Variants in COL4A4 observed in about 807,000 individuals in gnomAD.
The protein encoded by COL4A4 is collagen type IV alpha 4 chain, also known as collagen alpha-4(IV) chain.
A neutral mutation model predicts 192.9 loss-of-function variants in COL4A4; 105 were observed. The ratio of observed to expected loss-of-function variants is 0.54; its 90% CI spans 0.46 to 0.64. COL4A4 has a LOEUF of 0.64. Ranked by LOEUF, COL4A4 falls within the 30% of genes least tolerant of loss-of-function variation. COL4A4 has a pLI of 0.00. For missense variants in COL4A4, 1,967 were observed against 2,169.3 expected (o/e 0.91, Z 1.85); for synonymous variants, 762 against 769.9 (o/e 0.99, Z 0.17).
At chr2:227,075,526 A>G (rs1391555005) in intron 25 of COL4A4, among the ~76,000 whole-genome samples, 1 of 152,190 alleles carries the variant, frequency 6.6e-6, no homozygotes, top group Non-Finnish European at 1.5e-5. Flanking sequence ...ACCCATAGGC[A>G]ATATCATACT....
At chr2:227,121,875 A>G (rs534309195) in intron 4 of COL4A4, among the ~76,000 whole-genome samples, 1 of 152,360 alleles carries the variant, frequency 6.6e-6, no homozygotes, top group African/African-American at 2.4e-5. Context: ...AAGAAACTAA[A>G]AAATCAAAGT....
intron 29 of COL4A4, among the ~76,000 whole-genome samples, chr2:227,056,523 G>A (rs116093499): frequency 0.031 from 4,711 of 152,198 alleles, 83 homozygotes; most frequent in Middle Eastern, 0.11. Flanking sequence ...TGGCTGTAGC[G>A]GAAAGTTTTG....
chr2:227,042,610 G>A (rs190333938), intron 36 of COL4A4, among the ~76,000 whole-genome samples: 38 of 152,208 alleles, frequency 2.5e-4, no homozygotes, highest in African/African-American at 8.9e-4. Context: ...CAGGAGAAAT[G>A]CAAAGGGCTA....
At chr2:227,111,656 A>G (rs1272177642) in intron 9 of COL4A4, 22 bp downstream of exon 9, 1 of 1,613,382 alleles carries the variant, frequency 6.2e-7, no homozygotes, top group Non-Finnish European at 8.5e-7. Flanking sequence ...ATAGAAGCAT[A>G]GAGCCTGCTC....
intron 34 of COL4A4, among the ~76,000 whole-genome samples, chr2:227,048,771 AAGAGACTAATAAATGTATAGGTAAGC>A (rs1403011415): frequency 6.6e-6 from 1 of 152,336 alleles, no homozygotes; most frequent in Admixed American, 6.5e-5. Context: ...AAGAATGGTA[AAGAGACTAATAAATGTATAGGTAAGC>A]AGAAAAGGAG....
rs1559489363 is a variant in COL4A4 at position 227,045,937 on chromosome 2, ATATATG to A, written c.3289+1532_3289+1537del. 4.0e-3 allele frequency among the ~76,000 whole-genome samples: 377 copies of A among 93,974 alleles called. 2 individuals carry two copies. The highest frequency in any genetic ancestry group is 6.8e-3 in the South Asian group (18 of 2,646). 61.7% of individuals were successfully genotyped at this position (93,974 alleles called of 152,430 possible). On this transcript the variant is annotated intron_variant, in intron 35 of 47. Coordinates refer to ENST00000396625, the MANE Select transcript of COL4A4 (RefSeq NM_000092.5). ...TATGTATATGTATATGTATATATGTATATATGTATATATGTATATATGTATATATTT... is the reference window on the plus strand; with the variant it reads ...TATGTATATGTATATGTATATATGTATATATATGTATATATGTATATATTT...
intron 20 of COL4A4, among the ~76,000 whole-genome samples, chr2:227,091,275 TATAG>T (rs1314670278): frequency 6.6e-6 from 1 of 151,454 alleles, no homozygotes; most frequent in Admixed American, 6.6e-5. Flanking sequence ...TAGATATAGA[TATAG>T]ATATAGATAT....
the COL4A4 span, among the ~76,000 whole-genome samples, chr2:226,975,176 A>G: frequency 6.6e-6 from 1 of 152,214 alleles, no homozygotes; most frequent in Non-Finnish European, 1.5e-5. Flanking sequence ...CCCCAGAATG[A>G]TAAATGAGAA....
chr2:226,988,640 T>C, the COL4A4 span: 2 of 1,326,148 alleles, frequency 1.5e-6, no homozygotes, highest in Non-Finnish European at 1.9e-6. Context: ...GCCCTGGAGC[T>C]TCTGAGAGGA....
chr2:227,130,125 C>T lies in COL4A4; in HGVS notation c.193-8977G>A, dbSNP rs182981913. Among the ~76,000 whole-genome samples the T allele has an allele frequency of 1.9e-3, 294 of 152,308 alleles. 3 individuals are homozygous for T. Among genetic ancestry groups the T allele is most frequent in the African/African-American group, 6.1e-3 (253 of 41,566 alleles). On this transcript the variant is annotated intron_variant, in intron 4 of 47. Transcript: ENST00000396625. ...AAAGGTGTTATCAACAGTAGACAATCCAGAGACTGGACTTCAGTGGCAGAG... is the reference window on the plus strand; with the variant it reads ...AAAGGTGTTATCAACAGTAGACAATTCAGAGACTGGACTTCAGTGGCAGAG...
rs559719653 is a variant in COL4A4 at position 227,022,134 on chromosome 2, C to T, written c.4130G>A (p.Arg1377Gln). ...GPPADVDDCP[R>Q]IPGLPGAPGM... Reference sequence around the variant, plus strand: ...TGGCGCCCCAGGAAGGCCTGGGATTCGGGGACAGTCATCCACATCTGCAGG... The same window carrying T: ...TGGCGCCCCAGGAAGGCCTGGGATTTGGGGACAGTCATCCACATCTGCAGG... Residue 1377 changes from arginine to glutamine, a missense_variant, in exon 44 of 48, where the codon CGA (arginine) becomes CAA (glutamine). Transcript: ENST00000396625. 34 of 1,614,132 alleles carry T rather than the reference C, an allele frequency of 2.1e-5. No homozygotes were observed. The highest frequency in any genetic ancestry group is 1.6e-4 in the Middle Eastern group (1 of 6,062).
chr2:227,150,521 T>G (rs1000989194), intron 1 of COL4A4, among the ~76,000 whole-genome samples: 3 of 152,136 alleles, frequency 2.0e-5, no homozygotes, highest in Admixed American at 6.5e-5. Flanking sequence ...TAATAAAAAT[T>G]TTTTAACTAT....
chr2:227,001,450 A>AGAC (rs1434616438), downstream of COL4A4, among the ~76,000 whole-genome samples: 3 of 152,064 alleles, frequency 2.0e-5, no homozygotes, highest in Non-Finnish European at 2.9e-5. Context: ...GAACAGCTTG[A>AGAC]GACAGTCTCC....
intron 43 of COL4A4, 145 bp from the exon 44 acceptor site, chr2:227,022,318 A>G: frequency 8.7e-7 from 1 of 1,147,056 alleles, no homozygotes; most frequent in Middle Eastern, 1.9e-4. Flanking sequence ...ATGTTTGTAA[A>G]GATTCAACAA....
chr2:227,148,717 A>G (rs2063714427), intron 1 of COL4A4, among the ~76,000 whole-genome samples: 1 of 152,114 alleles, frequency 6.6e-6, no homozygotes, highest in Admixed American at 6.5e-5. Flanking sequence ...TTACTTTGAT[A>G]AAAGATATAT....
intron 20 of COL4A4, among the ~76,000 whole-genome samples, chr2:227,091,523 A>C (rs1414674756): frequency 6.6e-6 from 1 of 152,134 alleles, no homozygotes; most frequent in Non-Finnish European, 1.5e-5. Flanking sequence ...CAACGTTTTC[A>C]AAGGACACTT....
the COL4A4 span, among the ~76,000 whole-genome samples, chr2:226,970,368 G>GTTTCA: frequency 9.9e-5 from 15 of 152,060 alleles, no homozygotes; most frequent in African/African-American, 3.6e-4. Context: ...TTGAAAAATG[G>GTTTCA]TTTCATTTTT....
chr2:227,104,935 C>T (rs2060748105), intron 12 of COL4A4, among the ~76,000 whole-genome samples: 1 of 151,740 alleles, frequency 6.6e-6, no homozygotes, highest in African/African-American at 2.4e-5. Context: ...GCCACCGCAC[C>T]CGGCCTATTA....
intron 4 of COL4A4, among the ~76,000 whole-genome samples, chr2:227,126,192 T>C (rs1381651235): frequency 1.3e-5 from 2 of 152,178 alleles, no homozygotes. Flanking sequence ...TGATTTGTAG[T>C]ATTTGGGAGG....
Sources: allele counts gnomAD v4.1 joint callset (sites outside exome capture counted in the v4.1 genomes callset), GRCh38; gene constraint gnomAD v4.1.1; transcripts MANE v1.5; gene names NCBI Gene and HGNC (gene_info 2026-07-23, HGNC 2026-07-21).